The following CDH2 variants were observed in gnomAD, a reference collection of about 807,000 sequenced individuals.
The protein encoded by CDH2 is cadherin-2.
A neutral mutation model predicts 92.0 loss-of-function variants in CDH2; 17 were observed. That is an observed-to-expected ratio of 0.18 (90% CI 0.13 to 0.28). The LOEUF (loss-of-function observed/expected upper bound fraction) is 0.28, where lower values mean the gene tolerates loss of function less well. Among genes scored for constraint, CDH2 ranks in the 10% least tolerant of loss-of-function variants. The pLI is 1.00. For synonymous variants in CDH2, 419 were observed against 415.9 expected (o/e 1.01, Z -0.09); for missense variants, 862 against 1,133.1 (o/e 0.76, Z 3.44).
At chr18:27,966,005 A>G (rs2143896631) in intron 14 of CDH2, among the ~76,000 whole-genome samples, 2 of 151,278 alleles carry the variant, frequency 1.3e-5, no homozygotes, top group South Asian at 4.2e-4. Flanking sequence ...AAAAAAAAAA[A>G]AAAAAAAAAA....
intron 1 of CDH2, among the ~76,000 whole-genome samples, chr18:28,152,264 C>T (rs531088774): frequency 1.3e-5 from 2 of 152,258 alleles, no homozygotes; most frequent in East Asian, 1.9e-4. Context: ...AGAGAAAGGG[C>T]AGGATTCAAA....
At chr18:28,131,683 G>GT (rs374374605) in intron 2 of CDH2, among the ~76,000 whole-genome samples, 1 of 150,194 alleles carries the variant, frequency 6.7e-6, no homozygotes, top group Non-Finnish European at 1.5e-5. Context: ...AAGCATTTGT[G>GT]GTGTGTGTGT....
At chr18:28,155,015 C>T (rs569216335) in intron 1 of CDH2, among the ~76,000 whole-genome samples, 2 of 152,268 alleles carry the variant, frequency 1.3e-5, no homozygotes, top group East Asian at 1.9e-4. Context: ...TCAGAGATTC[C>T]ATGGTCACAA....
chr18:27,952,243 A>G lies in CDH2; in HGVS notation c.2631T>C (p.Ser877=). 6.2e-7 allele frequency: 1 copy of G among 1,613,538 alleles called. No homozygotes were observed. Among genetic ancestry groups the G allele is most frequent in the Non-Finnish European group, 8.5e-7 (1 of 1,179,680 alleles). The change falls in exon 16 of 16, where the codon AGT becomes AGC. Residue 877 remains serine (S), a synonymous_variant. Coordinates refer to ENST00000269141, the MANE Select transcript of CDH2 (RefSeq NM_001792.5). Reference sequence around the variant, plus strand: ...AATCATAGTCCTGCTCACCACCACTACTTGAGGAATTAAGGGAGCTCAAGG... The same window carrying G: ...AATCATAGTCCTGCTCACCACCACTGCTTGAGGAATTAAGGGAGCTCAAGG... ...AGSLSSLNSS[S]SGGEQDYDYL...
intron 1 of CDH2, among the ~76,000 whole-genome samples, chr18:28,162,773 A>G (rs918325466): frequency 1.3e-5 from 2 of 152,182 alleles, no homozygotes; most frequent in African/African-American, 4.8e-5. Context: ...CAGCCACCTC[A>G]CAACAGTGTG....
At chr18:28,141,716 T>G (rs566885061) in intron 2 of CDH2, among the ~76,000 whole-genome samples, 31 of 152,052 alleles carry the variant, frequency 2.0e-4, no homozygotes, top group African/African-American at 7.2e-4. Flanking sequence ...TCAGATCATG[T>G]TTTACCTCTA....
At chr18:28,068,647 C>T (rs1302662103) in intron 2 of CDH2, among the ~76,000 whole-genome samples, 1 of 152,190 alleles carries the variant, frequency 6.6e-6, no homozygotes, top group East Asian at 1.9e-4. Context: ...ACTATTGACA[C>T]TTGATGTTCA....
At chr18:27,980,516 T>C (rs2012011497) in intron 14 of CDH2, among the ~76,000 whole-genome samples, 1 of 152,170 alleles carries the variant, frequency 6.6e-6, no homozygotes, top group Non-Finnish European at 1.5e-5. Context: ...TATTTTATTC[T>C]GTTATGAGGT....
intron 2 of CDH2, among the ~76,000 whole-genome samples, chr18:28,079,653 T>A (rs948219604): frequency 6.6e-6 from 1 of 152,206 alleles, no homozygotes; most frequent in African/African-American, 2.4e-5. Flanking sequence ...ATTCCAGTTC[T>A]GCTATCAAAT....
At chr18:28,106,673 T>C (rs1684769538) in intron 2 of CDH2, among the ~76,000 whole-genome samples, 1 of 152,192 alleles carries the variant, frequency 6.6e-6, no homozygotes, top group South Asian at 2.1e-4. Flanking sequence ...TTAATAGACC[T>C]TGTTTCTGTC....
At chr18:28,176,892 G>A in intron 1 of CDH2, 71 bp downstream of exon 1, 1 of 898,842 alleles carries the variant, frequency 1.1e-6, no homozygotes, top group Non-Finnish European at 1.4e-6. Flanking sequence ...GCAGCGGCGC[G>A]GGGAACAAAG....
chr18:28,013,040 G>A (rs539591309), intron 3 of CDH2, among the ~76,000 whole-genome samples: 2 of 152,146 alleles, frequency 1.3e-5, no homozygotes, highest in African/African-American at 2.4e-5. Flanking sequence ...TTATCATAAC[G>A]TTACTGAAGT....
chr18:28,036,791 C>A lies in CDH2; in HGVS notation c.173-22882G>T, dbSNP rs1416064190. On this transcript the variant is annotated intron_variant, in intron 2 of 15. Transcript: ENST00000269141. ...CCCCAACCTTGGGCACAACACAAAACCTTCCTGAGCTCTACTGGTCCTTTT... is the reference window on the plus strand; with the variant it reads ...CCCCAACCTTGGGCACAACACAAAAACTTCCTGAGCTCTACTGGTCCTTTT... Among the ~76,000 whole-genome samples, 12 of 152,158 alleles carry A rather than the reference C, an allele frequency of 7.9e-5. 1 individual carries two copies. The highest frequency in any genetic ancestry group is 7.9e-4 in the Admixed American group (12 of 15,266).
intron 2 of CDH2, among the ~76,000 whole-genome samples, chr18:28,088,552 T>C (rs2014979256): frequency 6.6e-6 from 1 of 152,182 alleles, no homozygotes; most frequent in Non-Finnish European, 1.5e-5. Context: ...CCTCATGTGC[T>C]TGAAGGCTTT....
intron 2 of CDH2, among the ~76,000 whole-genome samples, chr18:28,147,273 TATA>T (rs567621633): frequency 1.1e-4 from 16 of 152,090 alleles, no homozygotes; most frequent in Non-Finnish European, 1.8e-4. Context: ...AATAAAATAT[TATA>T]ATAATTTCCT....
At chr18:28,026,921 T>C (rs936498645) in intron 2 of CDH2, among the ~76,000 whole-genome samples, 3 of 152,106 alleles carry the variant, frequency 2.0e-5, no homozygotes, top group African/African-American at 7.2e-5. Flanking sequence ...TGACGACATG[T>C]TCAACAGAAT....
At chr18:27,958,816 C>T (rs1008880804) in intron 15 of CDH2, among the ~76,000 whole-genome samples, 3 of 152,066 alleles carry the variant, frequency 2.0e-5, no homozygotes, top group African/African-American at 7.2e-5. Flanking sequence ...CACGATAGTG[C>T]GTTCTCATGA....
In CDH2 at chr18:28,003,175, G is replaced by A. The variant is rs754584192; in HGVS notation, c.848-6C>T. ...TACGGTCATCACATATGTTCCTAGA[G>A]ACAGTGTACATGGAAAATGAATGGT... On this transcript the variant is annotated splice_polypyrimidine_tract_variant and splice_region_variant and intron_variant, in intron 6 of 15. Transcript: ENST00000269141. The A allele has an allele frequency of 2.2e-5, 35 of 1,608,796 alleles. No individual in the cohort carries two copies. The Admixed American group carries it at 5.2e-4, about 24-fold the overall frequency.
rs71378905 is a variant in CDH2, at chr18:28,010,939, G to GTTT, written c.546+904_546+906dup. Reference sequence around the variant, plus strand: ...TGCTGGGATTACAGGTGCCCTGCCTGTTTTTTTTTTTTTTAAGTTAAAGCA... The same window carrying GTTT: ...TGCTGGGATTACAGGTGCCCTGCCTGTTTTTTTTTTTTTTTTTAAGTTAAAGCA... On this transcript the variant is annotated intron_variant, in intron 4 of 15. Coordinates refer to ENST00000269141, the MANE Select transcript of CDH2 (RefSeq NM_001792.5). 1.3e-3 allele frequency among the ~76,000 whole-genome samples: 187 copies of GTTT among 139,886 alleles called. 1 individual carries two copies. Among genetic ancestry groups the GTTT allele is most frequent in the African/African-American group, 4.8e-3 (184 of 37,990 alleles). The allele number at this position is 139,886 out of a possible 152,430, so 91.8% of individuals were successfully genotyped here. A position where few individuals can be genotyped will look rare whatever the true frequency, so the allele number is the denominator to read the frequency against.
Sources: gnomAD v4.1 joint callset for allele counts (sites outside exome capture counted in the v4.1 genomes callset) on GRCh38, gnomAD v4.1.1 for gene constraint, MANE v1.5 for transcripts, NCBI Gene and HGNC (gene_info 2026-07-23, HGNC 2026-07-21) for gene names.